Variants in ADAMTS9 observed in about 807,000 individuals in gnomAD.
ADAMTS9 encodes ADAM metallopeptidase with thrombospondin type 1 motif 9, also known as A disintegrin and metalloproteinase with thrombospondin motifs 9.
In ADAMTS9, 107 loss-of-function variants were observed where a neutral mutation model predicts 257.1. The ratio of observed to expected loss-of-function variants is 0.42; its 90% CI spans 0.36 to 0.49. ADAMTS9 has a LOEUF of 0.49. Among genes scored for constraint, ADAMTS9 ranks in the 20% least tolerant of loss-of-function variants. ADAMTS9 has a pLI of 0.03. For missense variants in ADAMTS9, 2,353 were observed against 2,469.1 expected, an observed-to-expected ratio of 0.95 and a Z score of 1.00; for synonymous variants, 982 against 880.9, an observed-to-expected ratio of 1.11 and a Z score of -2.03.
intron 23 of ADAMTS9, among the ~76,000 whole-genome samples, chr3:64,605,088 C>T (rs2084533645): frequency 6.6e-6 from 1 of 152,136 alleles, no homozygotes; most frequent in South Asian, 2.1e-4. Context: ...GACATCTTTG[C>T]CTTAGAAAAT....
intron 3 of ADAMTS9, among the ~76,000 whole-genome samples, chr3:64,679,059 C>T (rs1193601992): frequency 1.3e-5 from 2 of 152,108 alleles, no homozygotes; most frequent in Non-Finnish European, 2.9e-5. Context: ...CGACTGGAAC[C>T]AAAATAGACT....
At chr3:64,639,567 T>TA (rs61021131) in intron 12 of ADAMTS9, among the ~76,000 whole-genome samples, 81,038 of 151,644 alleles carry the variant, frequency 0.53, 22,685 homozygotes, top group African/African-American at 0.71. Flanking sequence ...AGTATTATTT[T>TA]AAAAAAGGCC....
At chr3:64,590,292 G>A (rs2084237253) in intron 28 of ADAMTS9, among the ~76,000 whole-genome samples, 2 of 152,162 alleles carry the variant, frequency 1.3e-5, no homozygotes, top group African/African-American at 4.8e-5. Flanking sequence ...AGATTTGAGG[G>A]AGGGGTTGTA....
chr3:64,649,553 C>T (rs944272752), intron 10 of ADAMTS9, 84 bp downstream of exon 10: 108 of 1,456,910 alleles, frequency 7.4e-5, no homozygotes, highest in Non-Finnish European at 7.1e-5. Flanking sequence ...AGTTTATAGT[C>T]GAGTTAGAAT....
intron 2 of ADAMTS9, among the ~76,000 whole-genome samples, chr3:64,682,990 A>G (rs1019836636): frequency 6.6e-6 from 1 of 152,204 alleles, no homozygotes; most frequent in African/African-American, 2.4e-5. Flanking sequence ...TTTTTGTTTT[A>G]AAAGCTCTCC....
chr3:64,649,420 C>T (rs1471027198), intron 10 of ADAMTS9, among the ~76,000 whole-genome samples: 3 of 152,108 alleles, frequency 2.0e-5, no homozygotes, highest in Non-Finnish European at 2.9e-5. Flanking sequence ...TGGACTGTCA[C>T]GAGGATGAAA....
At chr3:64,636,393 C>T (rs1700497494) in intron 12 of ADAMTS9, among the ~76,000 whole-genome samples, 1 of 152,086 alleles carries the variant, frequency 6.6e-6, no homozygotes, top group Non-Finnish European at 1.5e-5. Context: ...AATAATGATG[C>T]AATATTAGGC....
chr3:64,623,593 A>G (rs1700158672), intron 16 of ADAMTS9, among the ~76,000 whole-genome samples: 1 of 152,196 alleles, frequency 6.6e-6, no homozygotes, highest in Non-Finnish European at 1.5e-5. Context: ...CTAAGCCACT[A>G]TGTCCTGAGA....
rs143017614 is a variant in ADAMTS9 at position 64,561,476 on chromosome 3, C to T, written c.4698+102G>A. 2.9e-4 allele frequency: 377 copies of T among 1,322,310 alleles called. No homozygotes were observed. In the African/African-American group the frequency reaches 3.6e-3, roughly 12 times the overall value. 81.9% of individuals were successfully genotyped at this position (1,322,310 alleles called of 1,614,324 possible). A position where few individuals can be genotyped will look rare whatever the true frequency, so the allele number is the denominator to read the frequency against. The stretch of plus-strand genomic sequence containing the variant: ...TTTGGGAAAGAGCCAGCATTGTAAC[C>T]GTGCTCGGTGACTTCTCTGGCTTTA... On this transcript the variant is annotated intron_variant, in intron 30 of 39. Transcript: ENST00000498707.
chr3:64,556,963 G>A (rs917323302), intron 30 of ADAMTS9, among the ~76,000 whole-genome samples: 1 of 152,142 alleles, frequency 6.6e-6, no homozygotes, highest in East Asian at 1.9e-4. Context: ...CAAGCTTCCT[G>A]ACCTTAAATA....
chr3:64,642,015 G>A (rs1237964470), intron 11 of ADAMTS9, 22 bp from the exon 12 acceptor site: 2 of 1,613,374 alleles, frequency 1.2e-6, no homozygotes, highest in South Asian at 2.2e-5. Flanking sequence ...AAGGGGAATA[G>A]TGAGGGAGAC....
intron 11 of ADAMTS9, among the ~76,000 whole-genome samples, chr3:64,647,284 A>G (rs967693745): frequency 1.2e-4 from 18 of 152,144 alleles, no homozygotes; most frequent in African/African-American, 4.3e-4. Flanking sequence ...ACATGTCACC[A>G]ATTTTTCTAG....
At chr3:64,682,665 C>G (rs988362006) in intron 2 of ADAMTS9, among the ~76,000 whole-genome samples, 11 of 152,250 alleles carry the variant, frequency 7.2e-5, no homozygotes, top group Admixed American at 7.2e-4. Context: ...CCCTGAACAT[C>G]AGCAGCTGCA....
At chr3:64,601,801 A>G (rs1193313599) in intron 26 of ADAMTS9, 143 bp downstream of exon 26, 2 of 999,484 alleles carry the variant, frequency 2.0e-6, no homozygotes, top group East Asian at 5.2e-5. Flanking sequence ...TTAACCCATT[A>G]CAAGTTACTC....
In ADAMTS9 at chr3:64,545,383, A is replaced by G. The variant is rs1302136130; in HGVS notation, c.5064+1375T>C. 2.0e-5 allele frequency among the ~76,000 whole-genome samples: 3 copies of G among 152,226 alleles called. No homozygotes were observed. In the East Asian group the frequency reaches 5.8e-4, roughly 29 times the overall value. ...CACATGTCCACCAATGATAGACTGC[A>G]CTAAGAAAATGTGGCACATATACAC... is the stretch of plus-strand genomic sequence containing the variant. On this transcript the variant is annotated intron_variant, in intron 32 of 39. Coordinates refer to ENST00000498707, the MANE Select transcript of ADAMTS9 (RefSeq NM_182920.2).
chr3:64,533,295 G>C, intron 37 of ADAMTS9, 25 bp from the exon 38 acceptor site: 1 of 1,596,606 alleles, frequency 6.3e-7, no homozygotes, highest in East Asian at 2.2e-5. Flanking sequence ...CAACAAAAGA[G>C]ATTTTCAGTC....
At chr3:64,602,410 A>G (rs1474559267) in intron 25 of ADAMTS9, among the ~76,000 whole-genome samples, 197 bp from the exon 26 acceptor site, 3 of 152,156 alleles carry the variant, frequency 2.0e-5, no homozygotes, top group African/African-American at 7.2e-5. Context: ...AGTATTCAAA[A>G]TCACAAAATA....
At chr3:64,639,349 C>T (rs974260335) in intron 12 of ADAMTS9, among the ~76,000 whole-genome samples, 2 of 122,150 alleles carry the variant, frequency 1.6e-5, no homozygotes, top group Non-Finnish European at 3.2e-5. Context: ...TAGCAAACAG[C>T]AGGGACAAGG....
chr3:64,594,922 G>A (rs1160649948), intron 27 of ADAMTS9, among the ~76,000 whole-genome samples: 1 of 151,152 alleles, frequency 6.6e-6, no homozygotes, highest in Non-Finnish European at 1.5e-5. Flanking sequence ...GAGTAGCTGG[G>A]ACTACAGGCG....
Sources: gnomAD v4.1 joint callset for allele counts (sites outside exome capture counted in the v4.1 genomes callset) on GRCh38, gnomAD v4.1.1 for gene constraint, MANE v1.5 for transcripts, NCBI Gene and HGNC (gene_info 2026-07-23, HGNC 2026-07-21) for gene names.